The following RNGTT variants were observed in gnomAD, a reference collection of about 807,000 sequenced individuals.
RNGTT encodes the protein mRNA-capping enzyme.
In RNGTT, 33 loss-of-function variants were observed where a neutral mutation model predicts 79.3. That is an observed-to-expected ratio of 0.42 (90% confidence interval 0.32 to 0.56). RNGTT has a LOEUF of 0.56. Among genes scored for constraint, RNGTT ranks in the 20% least tolerant of loss-of-function variants. The pLI is 0.17. For missense variants in RNGTT, 497 were observed against 739.1 expected (o/e 0.67, Z 3.80); for synonymous variants, 222 against 235.9 (o/e 0.94, Z 0.54).
intron 4 of RNGTT, among the ~76,000 whole-genome samples, chr6:88,919,707 CTTTT>C (rs5878082): frequency 1.7e-5 from 1 of 58,478 alleles, no homozygotes; most frequent in Non-Finnish European, 3.2e-5. Context: ...GTCAGTAGTT[CTTTT>C]TTTTTTTTTT....
chr6:88,828,804 T>C (rs1780754592), intron 11 of RNGTT, among the ~76,000 whole-genome samples: 1 of 151,808 alleles, frequency 6.6e-6, no homozygotes, highest in Non-Finnish European at 1.5e-5. Flanking sequence ...GAAGATCAAC[T>C]TAATGAAATG....
At chr6:88,698,815 T>TC (rs1425507585) in intron 13 of RNGTT, among the ~76,000 whole-genome samples, 8 of 152,136 alleles carry the variant, frequency 5.3e-5, no homozygotes, top group African/African-American at 1.9e-4. Context: ...GAGTTCAACC[T>TC]CCGTAGCATG....
chr6:88,640,034 T>C (rs1440390589), intron 14 of RNGTT, among the ~76,000 whole-genome samples: 2 of 152,148 alleles, frequency 1.3e-5, no homozygotes, highest in African/African-American at 4.8e-5. Context: ...AGTCCCCTTA[T>C]TTTCCTTATC....
intron 8 of RNGTT, among the ~76,000 whole-genome samples, chr6:88,856,068 C>A (rs1265560744): frequency 2.6e-5 from 4 of 152,088 alleles, no homozygotes; most frequent in Non-Finnish European, 5.9e-5. Flanking sequence ...GTTAGGAAAC[C>A]ACTGTATCTT....
chr6:88,947,000 A>C, intron 1 of RNGTT, among the ~76,000 whole-genome samples: 1 of 58,678 alleles, frequency 1.7e-5, no homozygotes, highest in Non-Finnish European at 3.4e-5. Context: ...ACTACAACCT[A>C]CACCTCCCAG....
At chr6:88,771,144 C>G (rs1164936109) in intron 12 of RNGTT, among the ~76,000 whole-genome samples, 2 of 150,856 alleles carry the variant, frequency 1.3e-5, no homozygotes, top group Non-Finnish European at 3.0e-5. Flanking sequence ...ATAATTTGTG[C>G]TTTTTGTGAC....
chr6:88,951,980 G>A (rs1457181904), intron 1 of RNGTT, among the ~76,000 whole-genome samples: 1 of 152,072 alleles, frequency 6.6e-6, no homozygotes, highest in African/African-American at 2.4e-5. Context: ...CTGCCCAGTG[G>A]GCAGACAGGG....
intron 1 of RNGTT, among the ~76,000 whole-genome samples, chr6:88,961,583 C>T (rs1328662422): frequency 6.6e-6 from 1 of 152,154 alleles, no homozygotes; most frequent in Non-Finnish European, 1.5e-5. Flanking sequence ...ATTACAGGCA[C>T]ATACCACCAC....
intron 4 of RNGTT, among the ~76,000 whole-genome samples, chr6:88,916,689 C>T (rs1409232772): frequency 6.6e-6 from 1 of 152,136 alleles, no homozygotes; most frequent in Non-Finnish European, 1.5e-5. Context: ...ACATTTGATA[C>T]ATTTAAAAAT....
chr6:88,916,301 T>C (rs911502474), intron 4 of RNGTT, among the ~76,000 whole-genome samples: 21 of 152,104 alleles, frequency 1.4e-4, no homozygotes, highest in African/African-American at 5.1e-4. Context: ...GGTGAAACCC[T>C]GTCTCTAGAA....
intron 2 of RNGTT, among the ~76,000 whole-genome samples, chr6:88,935,199 G>A (rs1321280583): frequency 2.6e-5 from 4 of 152,124 alleles, no homozygotes; most frequent in Non-Finnish European, 5.9e-5. Context: ...TGTCCCCAAT[G>A]TATGTTCTTG....
intron 8 of RNGTT, among the ~76,000 whole-genome samples, chr6:88,876,208 C>T (rs1048593957): frequency 2.6e-5 from 4 of 152,062 alleles, no homozygotes; most frequent in Admixed American, 6.6e-5. Context: ...ATGAAATATA[C>T]TCATGTTAAG....
At chr6:88,881,109 A>T (rs1782682637) in intron 8 of RNGTT, among the ~76,000 whole-genome samples, 1 of 152,246 alleles carries the variant, frequency 6.6e-6, no homozygotes, top group Non-Finnish European at 1.5e-5. Context: ...AGAAATATTA[A>T]GAAAAAAGTT....
chr6:88,830,645 G>A (rs1477503529), intron 11 of RNGTT, among the ~76,000 whole-genome samples: 1 of 151,402 alleles, frequency 6.6e-6, no homozygotes, highest in Non-Finnish European at 1.5e-5. Flanking sequence ...AGTGAATCCA[G>A]GAGCTGGTTT....
intron 6 of RNGTT, among the ~76,000 whole-genome samples, chr6:88,903,788 T>C (rs1295879093): frequency 1.3e-5 from 2 of 152,214 alleles, no homozygotes; most frequent in Non-Finnish European, 2.9e-5. Context: ...AATAATTTCA[T>C]TAACACAATT....
At chr6:88,915,379 A>G (rs1783966190) in intron 4 of RNGTT, among the ~76,000 whole-genome samples, 1 of 152,232 alleles carries the variant, frequency 6.6e-6, no homozygotes, top group Non-Finnish European at 1.5e-5. Context: ...GTGTCCATCA[A>G]TGGTGGACTA....
chr6:88,640,566 GA>G (rs72031584), intron 14 of RNGTT, among the ~76,000 whole-genome samples: 17,053 of 128,734 alleles, frequency 0.13, 1,097 homozygotes, highest in South Asian at 0.22. Context: ...AAAAAGAAAA[GA>G]AAAAAAAAAA....
At chr6:88,727,040 G>C (rs1394562250) in intron 13 of RNGTT, among the ~76,000 whole-genome samples, 1 of 152,052 alleles carries the variant, frequency 6.6e-6, no homozygotes, top group Admixed American at 6.6e-5. Flanking sequence ...ATGTTATATG[G>C]TAAATTTTTG....
intron 13 of RNGTT, among the ~76,000 whole-genome samples, chr6:88,691,686 C>A (rs1193312296): frequency 2.6e-5 from 4 of 152,010 alleles, no homozygotes; most frequent in Non-Finnish European, 4.4e-5. Context: ...GTGTTAGTTA[C>A]ATAAAATTTC....
Sources: allele counts gnomAD v4.1 joint callset (sites outside exome capture counted in the v4.1 genomes callset), GRCh38; gene constraint gnomAD v4.1.1; transcripts MANE v1.5; gene names NCBI Gene and HGNC (gene_info 2026-07-23, HGNC 2026-07-21).